The following SCUBE1 variants were observed in gnomAD, a reference collection of about 807,000 sequenced individuals.
SCUBE1 encodes signal peptide, CUB domain and EGF like domain containing 1, also known as signal peptide, CUB and EGF-like domain-containing protein 1.
SCUBE1 carries 59 observed loss-of-function variants against 124.4 expected under a neutral mutation model. The observed-to-expected ratio is 0.47, with a 90% CI of 0.38 to 0.59. The LOEUF (loss-of-function observed/expected upper bound fraction) is 0.59. Ranked by LOEUF, SCUBE1 falls within the 20% of genes least tolerant of loss-of-function variation. The pLI, the probability that SCUBE1 is intolerant of heterozygous loss-of-function variation, is 0.00. For synonymous variants in SCUBE1, 545 were observed against 550.9 expected, an observed-to-expected ratio of 0.99 and a Z score of 0.15; for missense variants, 1,150 against 1,371.2, an observed-to-expected ratio of 0.84 and a Z score of 2.55.
Position 43,262,747 on chromosome 22 carries a change from G to C in SCUBE1, c.583C>G (p.Leu195Val). 1 of 1,614,168 alleles carries C rather than the reference G, an allele frequency of 6.2e-7. No homozygotes were observed. The highest frequency in any genetic ancestry group is 1.3e-5 in the African/African-American group (1 of 75,050). The stretch of plus-strand genomic sequence containing the variant: ...GTGCAGTCCTTCTGGTTTTGGGCAA[G>C]GTCAAAGCCGGGCCTGCAGTCGCAG... ...VACDCRPGFD[L>V]AQNQKDCTLT... The change falls in exon 5 of 22, where the codon CTT (leucine) becomes GTT (valine). Residue 195 changes from leucine (L) to valine (V), a missense_variant. By Grantham distance (32) the Leu-to-Val change is conservative. Coordinates refer to ENST00000360835, the MANE Select transcript of SCUBE1 (RefSeq NM_173050.5).
At chr22:43,325,170 G>A (rs1428723386) in intron 2 of SCUBE1, among the ~76,000 whole-genome samples, 2 of 151,900 alleles carry the variant, frequency 1.3e-5, no homozygotes, top group East Asian at 1.9e-4. Context: ...GCTCAGGATC[G>A]CTGAGGACCT....
chr22:43,266,192 C>G (rs1420593958), intron 4 of SCUBE1, among the ~76,000 whole-genome samples: 1 of 152,060 alleles, frequency 6.6e-6, no homozygotes, highest in Non-Finnish European at 1.5e-5. Flanking sequence ...CTGAGATGCC[C>G]CAGTCAGGCC....
In SCUBE1 at chr22:43,339,224, C is replaced by T. The variant is rs146217368; in HGVS notation, c.100G>A (p.Val34Met). The change falls in exon 2 of 22, where the codon GTG becomes ATG. Residue 34 changes from valine (V) to methionine (M), a missense_variant. Coordinates refer to ENST00000360835, the MANE Select transcript of SCUBE1 (RefSeq NM_173050.5). ...GGSGLPGSVD[V>M]DECSEGTDDC... ...TCTGTGCCCTCTGAGCACTCATCCA[C>T]GTCGACTGACCCTGTGGGTAGGGGT... The T allele has an allele frequency of 2.0e-4, 329 of 1,613,552 alleles. No individual in the cohort carries two copies. Among genetic ancestry groups the T allele is most frequent in the Non-Finnish European group, 2.6e-4 (304 of 1,179,654 alleles).
At chr22:43,214,709 G>C (rs1921733033) in intron 15 of SCUBE1, among the ~76,000 whole-genome samples, 2 of 152,230 alleles carry the variant, frequency 1.3e-5, no homozygotes, top group Admixed American at 1.3e-4. Flanking sequence ...AATAGGCAAG[G>C]GCAGGAGGGC....
At chr22:43,294,500 C>T (rs1047320103) in intron 3 of SCUBE1, among the ~76,000 whole-genome samples, 1 of 152,142 alleles carries the variant, frequency 6.6e-6, no homozygotes, top group Non-Finnish European at 1.5e-5. Flanking sequence ...GTGCTGTGAG[C>T]CCAGCACACA....
chr22:43,341,679 C>T (rs907650208), intron 1 of SCUBE1, among the ~76,000 whole-genome samples: 1 of 152,154 alleles, frequency 6.6e-6, no homozygotes, highest in East Asian at 1.9e-4. Flanking sequence ...AGGGAGAAGC[C>T]ACTTGTCCCC....
intron 2 of SCUBE1, among the ~76,000 whole-genome samples, chr22:43,335,093 C>A (rs1340252785): frequency 6.6e-6 from 1 of 152,196 alleles, no homozygotes; most frequent in East Asian, 1.9e-4. Context: ...CTAGTCCCCA[C>A]CCAGGAAAGA....
Position 43,210,475 on chromosome 22 carries a change from G to A in SCUBE1, c.2384-235C>T, listed in dbSNP as rs1244375327. 1.3e-5 allele frequency among the ~76,000 whole-genome samples: 2 copies of A among 152,186 alleles called. No individual in the cohort carries two copies. The highest frequency in any genetic ancestry group is 3.9e-4 in the East Asian group (2 of 5,188). ...TGTGGTTCCCTGAGGCCCAGCCTGGGGGCTTCTTCTTACTGGGCTGCCATG... is the reference window on the plus strand; with the variant it reads ...TGTGGTTCCCTGAGGCCCAGCCTGGAGGCTTCTTCTTACTGGGCTGCCATG... On this transcript the variant is annotated intron_variant, in intron 18 of 21. Coordinates refer to ENST00000360835, the MANE Select transcript of SCUBE1 (RefSeq NM_173050.5). This position sits in a 1 kb window ranked among gnomAD's most constrained non-coding sequence, Gnocchi z 4.5.
chr22:43,239,512 G>A (rs1209773480), intron 6 of SCUBE1, among the ~76,000 whole-genome samples: 3 of 152,390 alleles, frequency 2.0e-5, no homozygotes, highest in South Asian at 4.1e-4. Context: ...TGAGTGATAT[G>A]CCAAAGGCAT....
At chr22:43,223,358 G>A (rs1922179660) in intron 10 of SCUBE1, 142 bp from the exon 11 acceptor site, 1 of 863,292 alleles carries the variant, frequency 1.2e-6, no homozygotes, top group Non-Finnish European at 1.7e-6. Context: ...GAAGGCGCCT[G>A]GAGATCGCAG....
chr22:43,314,598 A>G (rs1284975709), intron 3 of SCUBE1, among the ~76,000 whole-genome samples: 1 of 152,134 alleles, frequency 6.6e-6, no homozygotes, highest in East Asian at 1.9e-4. Context: ...AAACTCCCCC[A>G]AAAGGGTCCT....
intron 3 of SCUBE1, among the ~76,000 whole-genome samples, chr22:43,301,397 C>A: frequency 6.6e-6 from 1 of 152,206 alleles, no homozygotes; most frequent in East Asian, 1.9e-4. Flanking sequence ...TCCCCCCGGG[C>A]TCCTCCTCGC....
chr22:43,286,312 A>C (rs925352992), intron 4 of SCUBE1, among the ~76,000 whole-genome samples: 1 of 152,238 alleles, frequency 6.6e-6, no homozygotes, highest in Non-Finnish European at 1.5e-5. Context: ...AGCCTAGGCC[A>C]CTGGGCCTGA....
rs930802148 is a variant in SCUBE1, at chr22:43,199,441, A to G, written c.*4556T>C. ...ACTACGCTCGTTAGAGGTAGGGGAA[A>G]TGGCTTCTCTCCCAAGGCCTTCAAA... On this transcript the variant is annotated 3_prime_UTR_variant, in exon 22 of 22. Transcript: ENST00000360835. The G allele has an allele frequency of 2.0e-5, 3 of 151,458 alleles. No homozygotes were observed. Among genetic ancestry groups the G allele is most frequent in the Non-Finnish European group, 4.4e-5 (3 of 68,224 alleles). The allele number at this position is 151,458 out of a possible 1,614,324, so 9.4% of individuals were successfully genotyped here. A position where few individuals can be genotyped will look rare whatever the true frequency, so the allele number is the denominator to read the frequency against.
At chr22:43,247,712 A>G (rs1923271844) in intron 6 of SCUBE1, among the ~76,000 whole-genome samples, 1 of 152,172 alleles carries the variant, frequency 6.6e-6, no homozygotes, top group South Asian at 2.1e-4. Flanking sequence ...CTGCAGGAGG[A>G]GCAGGCCGTT....
intron 3 of SCUBE1, among the ~76,000 whole-genome samples, chr22:43,301,406 G>A (rs1268437375): frequency 1.3e-5 from 2 of 151,960 alleles, no homozygotes; most frequent in East Asian, 1.9e-4. Context: ...GCTCCTCCTC[G>A]CTCACCCGCC....
At chr22:43,330,493 T>C (rs149484697) in intron 2 of SCUBE1, among the ~76,000 whole-genome samples, 2 of 152,342 alleles carry the variant, frequency 1.3e-5, no homozygotes, top group Admixed American at 6.5e-5. Context: ...TATGATCACA[T>C]CTTTTCCAAT....
chr22:43,221,530 C>T (rs570063445), intron 12 of SCUBE1, among the ~76,000 whole-genome samples: 4 of 152,072 alleles, frequency 2.6e-5, no homozygotes, highest in Non-Finnish European at 5.9e-5. Context: ...AGGGGCCACC[C>T]GCCAGAGGTC....
Position 43,291,037 on chromosome 22 carries a change from T to G in SCUBE1, c.484+9A>C. 1 of 1,599,566 alleles carries G rather than the reference T, an allele frequency of 6.3e-7. No individual in the cohort carries two copies. Among genetic ancestry groups the G allele is most frequent in the Non-Finnish European group, 8.5e-7 (1 of 1,170,614 alleles). ...GGGGACATGCCTGGTCAGCATAGGC[T>G]GTACTCACCATTGGAGCGGTGGATG... On this transcript the variant is annotated intron_variant, in intron 4 of 21. Transcript: ENST00000360835.
Sources: allele counts gnomAD v4.1 joint callset (sites outside exome capture counted in the v4.1 genomes callset), GRCh38; gene constraint gnomAD v4.1.1; non-coding constraint Gnocchi (gnomAD v3.1); transcripts MANE v1.5; gene names NCBI Gene and HGNC (gene_info 2026-07-23, HGNC 2026-07-21).